The following EHD1 variants were observed in gnomAD, a reference collection of about 807,000 sequenced individuals.
The protein encoded by EHD1 is EH domain-containing protein 1.
EHD1 carries 19 observed loss-of-function variants against 39.0 expected under a neutral mutation model. The ratio of observed to expected loss-of-function variants is 0.49; its 90% CI spans 0.34 to 0.72. The LOEUF (loss-of-function observed/expected upper bound fraction) is 0.72, where lower values mean the gene tolerates loss of function less well. Ranked by LOEUF, EHD1 falls within the 30% of genes least tolerant of loss-of-function variation. The pLI, the probability that EHD1 is intolerant of heterozygous loss-of-function variation, is 0.01. For synonymous variants in EHD1, 323 were observed against 331.2 expected, an observed-to-expected ratio of 0.98 and a Z score of 0.27; for missense variants, 542 against 751.5, an observed-to-expected ratio of 0.72 and a Z score of 3.26.
rs1943591260 is a variant in EHD1 at position 64,852,392 on chromosome 11, G to A, written c.*1941C>T. 1 of 148,134 alleles carries A rather than the reference G, an allele frequency of 6.8e-6. No individual in the cohort carries two copies. Among genetic ancestry groups the A allele is most frequent in the Non-Finnish European group, 1.5e-5 (1 of 66,814 alleles). The allele number at this position is 148,134 out of a possible 1,614,324, so 9.2% of individuals were successfully genotyped here. A position where few individuals can be genotyped will look rare whatever the true frequency, so the allele number is the denominator to read the frequency against. Reference sequence around the variant, plus strand: ...TGATGCCACCCAGTGCCGAGGGCCTGCAGGTGCCCACTCATCCGTCTGTGG... The same window carrying A: ...TGATGCCACCCAGTGCCGAGGGCCTACAGGTGCCCACTCATCCGTCTGTGG... On this transcript the variant is annotated 3_prime_UTR_variant, in exon 5 of 5. Coordinates refer to ENST00000320631, the MANE Select transcript of EHD1 (RefSeq NM_006795.4).
At chr11:64,869,360 T>C (rs1943803578) in intron 2 of EHD1, among the ~76,000 whole-genome samples, 1 of 152,116 alleles carries the variant, frequency 6.6e-6, no homozygotes, top group African/African-American at 2.4e-5. Context: ...GAGCAGAGGG[T>C]TTTGGGAGGC....
At chr11:64,864,580 CTT>C (rs1943748534) in intron 2 of EHD1, among the ~76,000 whole-genome samples, 1 of 152,248 alleles carries the variant, frequency 6.6e-6, no homozygotes, top group Non-Finnish European at 1.5e-5. Flanking sequence ...AGCCCACAGC[CTT>C]TTATGGCCAG....
chr11:64,855,279 C>T, intron 4 of EHD1, 43 bp downstream of exon 4: 3 of 1,603,454 alleles, frequency 1.9e-6, no homozygotes, highest in Non-Finnish European at 2.6e-6. Flanking sequence ...TTCCTTCTGC[C>T]CTGATGGCCA....
At chr11:64,861,394 G>A (rs946636119) in intron 2 of EHD1, among the ~76,000 whole-genome samples, 1 of 152,192 alleles carries the variant, frequency 6.6e-6, no homozygotes, top group Non-Finnish European at 1.5e-5. Flanking sequence ...CCAGCACTGT[G>A]CTCAGCACAG....
intron 4 of EHD1, 137 bp downstream of exon 4, chr11:64,855,165 AACTCTGAGTTGGGTGGGGTG>A: frequency 8.3e-7 from 1 of 1,207,350 alleles, no homozygotes; most frequent in Non-Finnish European, 1.1e-6. Flanking sequence ...CGCCTGGGTC[AACTCTGAGTTGGGTGGGGTG>A]CTGGTGATTA....
chr11:64,855,688 T>G, intron 3 of EHD1: 1 of 671,238 alleles, frequency 1.5e-6, no homozygotes, highest in Non-Finnish European at 2.5e-6. Context: ...GCCACAGCTG[T>G]CCACTGCCAC....
Position 64,878,589 on chromosome 11 carries a change from C to T in EHD1, c.-125G>A, listed in dbSNP as rs1296665817. The T allele has an allele frequency of 6.3e-6, 9 of 1,428,590 alleles. No homozygotes were observed. Among genetic ancestry groups the T allele is most frequent in the South Asian group, 5.9e-5 (4 of 67,648 alleles). The allele number at this position is 1,428,590 out of a possible 1,614,324, so 88.5% of individuals were successfully genotyped here. A position where few individuals can be genotyped will look rare whatever the true frequency, so the allele number is the denominator to read the frequency against. Reference sequence around the variant, plus strand: ...GAGCGACCCACACTGCGCAGGCGCACAGCCCAGCCCGTCGAAGCGCCCTCT... The same window carrying T: ...GAGCGACCCACACTGCGCAGGCGCATAGCCCAGCCCGTCGAAGCGCCCTCT... On this transcript the variant is annotated 5_prime_UTR_variant, in exon 1 of 5. The change creates a new upstream start codon in the 5' untranslated region. Transcript: ENST00000320631.
intron 2 of EHD1, among the ~76,000 whole-genome samples, chr11:64,872,640 C>T (rs1235485734): frequency 2.0e-5 from 3 of 151,630 alleles, no homozygotes; most frequent in African/African-American, 7.3e-5. Flanking sequence ...TCCCTTAACT[C>T]CTAGGTGCAT....
rs772003242 is a variant in EHD1 at position 64,860,139 on chromosome 11, C to T, written c.700G>A (p.Gly234Arg). 66 of 1,614,066 alleles carry T rather than the reference C, an allele frequency of 4.1e-5. No individual in the cohort carries two copies. The highest frequency in any genetic ancestry group is 5.4e-5 in the Non-Finnish European group (64 of 1,180,054). Residue 234 changes from glycine to arginine, a missense_variant, in exon 3 of 5, where the codon GGG becomes AGG. By Grantham distance (125) the Gly-to-Arg change is moderately radical. Transcript: ENST00000320631. ...TTGCCCAGGGACCACATGAGGGCCC[C>T]GTACACCCGCATCAGCTGCTGCGTC... is the stretch of plus-strand genomic sequence containing the variant. Reference protein sequence around the residue: ...IETQQLMRVYGALMWSLGKII... With the variant: ...IETQQLMRVYRALMWSLGKII...
At position 64,853,988 on chromosome 11, in the gene EHD1, G is replaced by T. The variant is rs953125225; in HGVS notation, c.*345C>A. 1.7e-5 allele frequency: 5 copies of T among 302,214 alleles called. No homozygotes were observed. Among genetic ancestry groups the T allele is most frequent in the Non-Finnish European group, 3.1e-5 (5 of 160,400 alleles). 18.7% of individuals were successfully genotyped at this position (302,214 alleles called of 1,614,324 possible). ...CAAAAGGGCGACCTGGCTCCCCCAC[G>T]GTCGCAGTCGCTGCACTGTCCAGCT... On this transcript the variant is annotated 3_prime_UTR_variant, in exon 5 of 5. Coordinates refer to ENST00000320631, the MANE Select transcript of EHD1 (RefSeq NM_006795.4).
intron 2 of EHD1, among the ~76,000 whole-genome samples, chr11:64,874,062 T>C (rs1182361716): frequency 6.6e-5 from 10 of 150,394 alleles, no homozygotes; most frequent in African/African-American, 2.4e-4. Flanking sequence ...TCCCAGCACT[T>C]TGGGAGGCCA....
At chr11:64,873,423 C>G (rs967850319) in intron 2 of EHD1, among the ~76,000 whole-genome samples, 1 of 152,178 alleles carries the variant, frequency 6.6e-6, no homozygotes, top group Non-Finnish European at 1.5e-5. Context: ...CTAATAAGCT[C>G]TGGGGACCAG....
In EHD1 at chr11:64,855,339, T is replaced by A. The variant is rs1943638553; in HGVS notation, c.1063A>T (p.Ser355Cys). ...AGCCGTACCTGCATCTTGCGGAGGC[T>A]CGGGAAGTCCCCAGGGGAGATCTGG... ...EHQISPGDFP[S>C]LRKMQELLQT... The change falls in exon 4 of 5, where the codon AGC (serine) becomes TGC (cysteine). Residue 355 changes from serine to cysteine, a missense_variant. Physicochemically the swap from Ser to Cys is moderately radical, Grantham distance 112 (BLOSUM62 -1). Transcript: ENST00000320631. The A allele has an allele frequency of 1.2e-6, 2 of 1,613,988 alleles. No individual in the cohort carries two copies. The highest frequency in any genetic ancestry group is 1.7e-6 in the Non-Finnish European group (2 of 1,180,004).
chr11:64,867,794 TA>T (rs1377465677), intron 2 of EHD1, among the ~76,000 whole-genome samples: 1 of 152,236 alleles, frequency 6.6e-6, no homozygotes. Context: ...TCACAATTTT[TA>T]AAAAGTGAAA....
At position 64,878,564 on chromosome 11, in the gene EHD1, G is replaced by A. The variant is rs1455698294; in HGVS notation, c.-100C>T. On this transcript the variant is annotated 5_prime_UTR_variant, in exon 1 of 5. Transcript: ENST00000320631. ...GGGGCCGGCCGGGGCAGGGAATCGG[G>A]AGCGACCCACACTGCGCAGGCGCAC... 1.4e-6 allele frequency: 2 copies of A among 1,462,638 alleles called. No homozygotes were observed. The highest frequency in any genetic ancestry group is 1.8e-6 in the Non-Finnish European group (2 of 1,111,704). 90.6% of individuals were successfully genotyped at this position (1,462,638 alleles called of 1,614,324 possible). A position where few individuals can be genotyped will look rare whatever the true frequency, so the allele number is the denominator to read the frequency against.
At position 64,859,937 on chromosome 11, in the gene EHD1, G is replaced by A; in HGVS notation, c.902C>T (p.Ala301Val). The change falls in exon 3 of 5, where the codon GCA (alanine) becomes GTA (valine). Residue 301 changes from alanine (A) to valine (V), a missense_variant. Physicochemically the swap from Ala to Val is moderately conservative, Grantham distance 64 (BLOSUM62 0). Coordinates refer to ENST00000320631, the MANE Select transcript of EHD1 (RefSeq NM_006795.4). Reference protein sequence around the residue: ...LRKLNDLIKRARLAKVHAYII... With the variant: ...LRKLNDLIKRVRLAKVHAYII... Reference sequence around the variant, plus strand: ...CCCAGGGTCTACCTTGGCCAGCCGTGCCCGCTTGATCAGGTCATTGAGCTT... The same window carrying A: ...CCCAGGGTCTACCTTGGCCAGCCGTACCCGCTTGATCAGGTCATTGAGCTT... The A allele has an allele frequency of 1.1e-5, 17 of 1,611,994 alleles. No homozygotes were observed. Among genetic ancestry groups the A allele is most frequent in the Non-Finnish European group, 1.4e-5 (17 of 1,178,842 alleles).
chr11:64,879,565 C>A, upstream of EHD1: 1 of 1,549,794 alleles, frequency 6.5e-7, no homozygotes, highest in Non-Finnish European at 8.7e-7. Context: ...TCGGGGTCAC[C>A]ACCATTTACC....
At chr11:64,855,177 G>T (rs1943636366) in intron 4 of EHD1, 145 bp downstream of exon 4, 2 of 1,260,438 alleles carry the variant, frequency 1.6e-6, no homozygotes, top group African/African-American at 1.5e-5. Context: ...CTCTGAGTTG[G>T]GTGGGGTGCT....
At position 64,868,003 on chromosome 11, in the gene EHD1, G is replaced by C. The variant is rs1030872493; in HGVS notation, c.502+6418C>G. Among the ~76,000 whole-genome samples the C allele has an allele frequency of 3.9e-5, 6 of 152,202 alleles. No homozygotes were observed. Among genetic ancestry groups the C allele is most frequent in the Non-Finnish European group, 7.3e-5 (5 of 68,046 alleles). On this transcript the variant is annotated intron_variant, in intron 2 of 4. Coordinates refer to ENST00000320631, the MANE Select transcript of EHD1 (RefSeq NM_006795.4). This position sits in a 1 kb window ranked among gnomAD's most constrained non-coding sequence, Gnocchi z 4.2. The stretch of plus-strand genomic sequence containing the variant: ...GGCCTTACAGGGTCTGCCTTCCTGA[G>C]AACAGCTGGACCATGTTTCCCGCCA...
Sources: allele counts gnomAD v4.1 joint callset (sites outside exome capture counted in the v4.1 genomes callset), GRCh38; gene constraint gnomAD v4.1.1; non-coding constraint Gnocchi (gnomAD v3.1); transcripts MANE v1.5; gene names NCBI Gene and HGNC (gene_info 2026-07-23, HGNC 2026-07-21).